CCDC187: variants seen among roughly 807,000 people sequenced by gnomAD.
CCDC187 encodes coiled-coil domain-containing protein 187.
Under a neutral mutation model 38.0 loss-of-function variants are expected in CCDC187, and 32 were observed. The observed-to-expected ratio is 0.84, with a 90% CI of 0.64 to 1.13. The LOEUF (loss-of-function observed/expected upper bound fraction) is 1.13, where lower values mean the gene tolerates loss of function less well. Ranked by LOEUF, CCDC187 falls within the 50% of genes most tolerant of loss-of-function variation. The pLI, the probability that CCDC187 is intolerant of heterozygous loss-of-function variation, is 0.00. For missense variants in CCDC187, 707 were observed against 786.8 expected, an observed-to-expected ratio of 0.90 and a Z score of 1.21; for synonymous variants, 333 against 347.9, an observed-to-expected ratio of 0.96 and a Z score of 0.48.
At position 136,258,542 on chromosome 9, in the gene CCDC187, G is replaced by GT. The variant is rs1272144691; in HGVS notation, c.4366+389_4366+390insA. Among the ~76,000 whole-genome samples the GT allele has an allele frequency of 1.3e-5, 2 of 152,146 alleles. No individual in the cohort carries two copies. The highest frequency in any genetic ancestry group is 3.9e-4 in the East Asian group (2 of 5,184). Reference sequence around the variant, plus strand: ...CTGCAAATTGGGGACTTGGCTCTCGGGGGGGGCCCCGGCCAAGTGTAAGGT... The same window carrying GT: ...CTGCAAATTGGGGACTTGGCTCTCGGTGGGGGGCCCCGGCCAAGTGTAAGGT... On this transcript the variant is annotated intron_variant, in intron 22 of 25. Transcript: ENST00000638797. The surrounding 1 kb of genome is among the most constrained non-coding windows in gnomAD (Gnocchi z 4.3).
chr9:136,299,796 TG>T (rs1185202210), intron 3 of CCDC187, among the ~76,000 whole-genome samples: 4 of 152,042 alleles, frequency 2.6e-5, no homozygotes, highest in African/African-American at 7.2e-5. Context: ...ATCTGTGGGC[TG>T]GGGGGGCAGT....
chr9:136,304,965 C>T (rs1564331092), upstream of CCDC187, among the ~76,000 whole-genome samples: 3 of 152,204 alleles, frequency 2.0e-5, no homozygotes, highest in Non-Finnish European at 4.4e-5. Flanking sequence ...CCTCTGGAAC[C>T]GCCAGGCAAA....
At chr9:136,270,402 G>A (rs765861050) in intron 14 of CCDC187, among the ~76,000 whole-genome samples, 8 of 152,142 alleles carry the variant, frequency 5.3e-5, no homozygotes, top group Non-Finnish European at 5.9e-5. Flanking sequence ...CATAGGACAG[G>A]GGGCCCTTCC....
intron 15 of CCDC187, 90 bp from the exon 16 acceptor site, chr9:136,267,601 GC>G (rs1174617323): frequency 1.0e-6 from 1 of 985,412 alleles, no homozygotes; most frequent in African/African-American, 1.7e-5. Flanking sequence ...CCGCGTCACC[GC>G]CTAGCTTCTA....
chr9:136,255,860 C>T, intron 24 of CCDC187, 127 bp from the exon 25 acceptor site: 1 of 338,232 alleles, frequency 3.0e-6, no homozygotes, highest in Non-Finnish European at 4.2e-6. Flanking sequence ...CCCAGCCAGT[C>T]CTCTGCCACC....
intron 4 of CCDC187, among the ~76,000 whole-genome samples, chr9:136,293,289 ACACT>A (rs1268276108): frequency 9.4e-5 from 14 of 149,350 alleles, no homozygotes; most frequent in African/African-American, 2.7e-4. Flanking sequence ...ACATGCTCAC[ACACT>A]CACAAACACA....
At position 136,291,602 on chromosome 9, in the gene CCDC187, A is replaced by G. The variant is rs1316654787; in HGVS notation, c.1011T>C (p.Cys337=). The G allele has an allele frequency of 5.0e-6, 2 of 398,804 alleles. No individual in the cohort carries two copies. Among genetic ancestry groups the G allele is most frequent in the African/African-American group, 4.1e-5 (2 of 48,758 alleles). 24.7% of individuals were successfully genotyped at this position (398,804 alleles called of 1,614,324 possible). A position where few individuals can be genotyped will look rare whatever the true frequency, so the allele number is the denominator to read the frequency against. ...CGGAGGTGGCATCGGGCAACTGGGC[A>G]CAAACCGGTGAGCACTTGGCAGCTA... ...KVIAAKCSPV[C]AQLPDATSAY... Residue 337 remains cysteine, a synonymous_variant, in exon 6 of 26, where the codon TGT becomes TGC. Transcript: ENST00000638797.
intron 14 of CCDC187, among the ~76,000 whole-genome samples, chr9:136,269,010 A>T (rs1554762014): frequency 6.6e-6 from 1 of 152,210 alleles, no homozygotes; most frequent in African/African-American, 2.4e-5. Flanking sequence ...GAGAGGAGAG[A>T]GTCGCACAGA....
chr9:136,261,341 A>C (rs182288850), intron 19 of CCDC187, among the ~76,000 whole-genome samples: 19 of 152,098 alleles, frequency 1.2e-4, no homozygotes, highest in Admixed American at 7.8e-4. Flanking sequence ...CTCTGTGAAT[A>C]CCTCACTTTT....
chr9:136,291,356 G>T lies in CCDC187; in HGVS notation c.1257C>A (p.Ala419=). ...AGRGCCRDPN[A]QSSFSKSPWA... ...AGGGACTCTTAGAGAAGGAGCTCTGGGCATTGGGGTCCCTGCAGCAGCCCC... is the reference window on the plus strand; with the variant it reads ...AGGGACTCTTAGAGAAGGAGCTCTGTGCATTGGGGTCCCTGCAGCAGCCCC... Residue 419 remains alanine, a synonymous_variant, in exon 6 of 26, where the codon GCC becomes GCA. Transcript: ENST00000638797. 2.5e-6 allele frequency: 1 copy of T among 398,972 alleles called. No individual in the cohort carries two copies. The highest frequency in any genetic ancestry group is 4.4e-6 in the Non-Finnish European group (1 of 226,324). The allele number at this position is 398,972 out of a possible 1,614,324, so 24.7% of individuals were successfully genotyped here. A position where few individuals can be genotyped will look rare whatever the true frequency, so the allele number is the denominator to read the frequency against.
intron 16 of CCDC187, chr9:136,266,515 C>G (rs782690022): frequency 1.3e-5 from 2 of 152,222 alleles, no homozygotes; most frequent in Non-Finnish European, 2.9e-5. Flanking sequence ...CTCACTGACC[C>G]GGTCATTCCA....
chr9:136,275,893 G>T (rs1157374544), intron 12 of CCDC187, among the ~76,000 whole-genome samples: 1 of 152,118 alleles, frequency 6.6e-6, no homozygotes, highest in Non-Finnish European at 1.5e-5. Context: ...CCAGGGCTCA[G>T]GGGCCTACCA....
rs150213476 is a variant in CCDC187, at chr9:136,258,540, CG to C, written c.4366+391del. The stretch of plus-strand genomic sequence containing the variant: ...ACCTGCAAATTGGGGACTTGGCTCT[CG>C]GGGGGGGCCCCGGCCAAGTGTAAGG... On this transcript the variant is annotated intron_variant, in intron 22 of 25. Coordinates refer to ENST00000638797, the MANE Select transcript of CCDC187 (RefSeq NM_001378188.1). The surrounding 1 kb of genome is among the most constrained non-coding windows in gnomAD (Gnocchi z 4.3). Among the ~76,000 whole-genome samples, 10 of 151,510 alleles carry C rather than the reference CG, an allele frequency of 6.6e-5. No homozygotes were observed. The highest frequency in any genetic ancestry group is 1.5e-4 in the African/African-American group (6 of 41,248).
intron 7 of CCDC187, 27 bp downstream of exon 7, chr9:136,289,932 G>A (rs1831275880): frequency 2.5e-6 from 1 of 394,544 alleles, no homozygotes; most frequent in Non-Finnish European, 4.5e-6. Flanking sequence ...CGCCCGGCAT[G>A]TGCAGCACCC....
At chr9:136,293,167 TCACATGCTCACACA>T (rs1444879083) in intron 4 of CCDC187, among the ~76,000 whole-genome samples, 21,623 of 52,876 alleles carry the variant, frequency 0.41, 1,834 homozygotes, top group African/African-American at 0.49. Context: ...GCTCACACAC[TCACATGCTCACACA>T]CACTCACATG....
In CCDC187 at chr9:136,253,798, G is replaced by T. The variant is rs1197983408; in HGVS notation, c.6030C>A (p.Ala2010=). The stretch of plus-strand genomic sequence containing the variant: ...GAGTGGGAGGAGGTGGGGGTAGGGG[G>T]GCCTCCCTGTGGATGGAGGACGGGA... ...ADLPSSIHRE[A]PLPPPPPTPQ... The change falls in exon 26 of 26, where the codon GCC becomes GCA. Residue 2010 remains alanine (A), a synonymous_variant. Transcript: ENST00000638797. 4.1e-6 allele frequency: 4 copies of T among 985,408 alleles called. No homozygotes were observed. The highest frequency in any genetic ancestry group is 1.7e-5 in the African/African-American group (1 of 57,226). The allele number at this position is 985,408 out of a possible 1,614,324, so 61.0% of individuals were successfully genotyped here. A position where few individuals can be genotyped will look rare whatever the true frequency, so the allele number is the denominator to read the frequency against.
chr9:136,289,106 A>G (rs1831249479), intron 7 of CCDC187, among the ~76,000 whole-genome samples: 1 of 152,244 alleles, frequency 6.6e-6, no homozygotes, highest in Non-Finnish European at 1.5e-5. Context: ...GTTCTGACTC[A>G]AGCTGCAACA....
In CCDC187 at chr9:136,265,994, T is replaced by C. The variant is rs1588653537; in HGVS notation, c.3697A>G (p.Lys1233Glu). 3.0e-6 allele frequency: 3 copies of C among 985,510 alleles called. No individual in the cohort carries two copies. Among genetic ancestry groups the C allele is most frequent in the Non-Finnish European group, 3.6e-6 (3 of 829,972 alleles). 61.0% of individuals were successfully genotyped at this position (985,510 alleles called of 1,614,324 possible). ...AATCTGCTGAGGGCTTGCTGCTGCT[T>C]CTCAACCAGCGCGGCCAGCACAGCT... ...DRAVLAALVE[K>E]QQQALSRLEK... The change falls in exon 17 of 26, where the codon AAG (lysine) becomes GAG (glutamate). Residue 1233 changes from lysine (K) to glutamate (E), a missense_variant. Physicochemically the swap from Lys to Glu is moderately conservative, Grantham distance 56. Transcript: ENST00000638797.
rs1392554414 is a variant in CCDC187, at chr9:136,253,460, G to T, written c.*134C>A. ...AGGGGCACTGCCTGACCCCTCACAC[G>T]ACGAGTGCCCTGGCCAGCTGACAGG... On this transcript the variant is annotated 3_prime_UTR_variant, in exon 26 of 26. Transcript: ENST00000638797. The T allele has an allele frequency of 3.0e-6, 1 of 330,892 alleles. No homozygotes were observed. Among genetic ancestry groups the T allele is most frequent in the Non-Finnish European group, 4.3e-6 (1 of 231,522 alleles). 20.5% of individuals were successfully genotyped at this position (330,892 alleles called of 1,614,324 possible). A position where few individuals can be genotyped will look rare whatever the true frequency, so the allele number is the denominator to read the frequency against.
Sources: allele counts gnomAD v4.1 joint callset (sites outside exome capture counted in the v4.1 genomes callset), GRCh38; gene constraint gnomAD v4.1.1; non-coding constraint Gnocchi (gnomAD v3.1); transcripts MANE v1.5; gene names NCBI Gene and HGNC (gene_info 2026-07-23, HGNC 2026-07-21).